SCAMP1: variants seen among roughly 807,000 people sequenced by gnomAD.
SCAMP1 encodes secretory carrier membrane protein 1.
In SCAMP1, 15 loss-of-function variants were observed where a neutral mutation model predicts 41.8. That is an observed-to-expected ratio of 0.36 (90% CI 0.24 to 0.55). The LOEUF (loss-of-function observed/expected upper bound fraction) is 0.55. SCAMP1 is among the 20% of genes least tolerant of loss of function. The probability of loss-of-function intolerance (pLI) is 0.86; values close to 1 mark genes in which losing one functional copy is unlikely to be tolerated. For missense variants in SCAMP1, 341 were observed against 412.6 expected, an observed-to-expected ratio of 0.83 and a Z score of 1.50; for synonymous variants, 135 against 136.8, an observed-to-expected ratio of 0.99 and a Z score of 0.09.
At chr5:78,360,879 G>T (rs1334804466) in intron 1 of SCAMP1, 151 bp downstream of exon 1, 4 of 709,454 alleles carry the variant, frequency 5.6e-6, no homozygotes, top group South Asian at 5.1e-5. Flanking sequence ...TTGGGGTCGC[G>T]CCCCGGCCCC....
At chr5:78,407,126 G>A (rs182497581) in intron 2 of SCAMP1, among the ~76,000 whole-genome samples, 3 of 152,288 alleles carry the variant, frequency 2.0e-5, no homozygotes, top group Admixed American at 2.0e-4. Flanking sequence ...AAATGAAGAT[G>A]ATATACTATG....
At chr5:78,398,355 C>CTTTTTTTTTTTTTTTTT (rs1197381285) in intron 2 of SCAMP1, among the ~76,000 whole-genome samples, 1 of 57,484 alleles carries the variant, frequency 1.7e-5, no homozygotes, top group African/African-American at 7.5e-5. Context: ...GGGTTCACCT[C>CTTTTTTTTTTTTTTTTT]TTTTTTTTTT....
chr5:78,375,498 G>A (rs1751044572), intron 1 of SCAMP1, among the ~76,000 whole-genome samples: 1 of 152,128 alleles, frequency 6.6e-6, no homozygotes, highest in Non-Finnish European at 1.5e-5. Flanking sequence ...TAACCTAGAT[G>A]AATTTTCTTT....
chr5:78,412,066 TA>T (rs1378922144), intron 2 of SCAMP1, among the ~76,000 whole-genome samples: 1 of 152,130 alleles, frequency 6.6e-6, no homozygotes, highest in Non-Finnish European at 1.5e-5. Flanking sequence ...TCAGAGTTTT[TA>T]AAAATGCAGT....
At chr5:78,458,747 G>A (rs557210758) in intron 7 of SCAMP1, among the ~76,000 whole-genome samples, 2 of 152,268 alleles carry the variant, frequency 1.3e-5, no homozygotes, top group Non-Finnish European at 2.9e-5. Flanking sequence ...AGGCGTGGTG[G>A]CACGCACCTG....
intron 8 of SCAMP1, among the ~76,000 whole-genome samples, chr5:78,461,774 G>T (rs1433975508): frequency 6.6e-6 from 1 of 152,118 alleles, no homozygotes; most frequent in African/African-American, 2.4e-5. Flanking sequence ...ATGTTGGCCA[G>T]GTTGGTCTCT....
At chr5:78,423,110 G>T (rs1019858917) in intron 6 of SCAMP1, among the ~76,000 whole-genome samples, 1 of 152,020 alleles carries the variant, frequency 6.6e-6, no homozygotes, top group African/African-American at 2.4e-5. Flanking sequence ...AACAGGAGAT[G>T]GGAGAACATT....
intron 7 of SCAMP1, among the ~76,000 whole-genome samples, chr5:78,451,692 C>T (rs1196401817): frequency 6.6e-6 from 1 of 152,204 alleles, no homozygotes; most frequent in East Asian, 1.9e-4. Context: ...GAGTCTCGCC[C>T]TATCACCCAG....
intron 1 of SCAMP1, among the ~76,000 whole-genome samples, chr5:78,364,246 G>A (rs1485397643): frequency 6.6e-6 from 1 of 152,196 alleles, no homozygotes; most frequent in Non-Finnish European, 1.5e-5. Flanking sequence ...GTCAGCATAA[G>A]AGTGTATGGT....
At position 78,449,989 on chromosome 5, in the gene SCAMP1, C is replaced by T. The variant is rs754845409; in HGVS notation, c.689C>T (p.Ala230Val). 3 of 1,584,300 alleles carry T rather than the reference C, an allele frequency of 1.9e-6. No homozygotes were observed. The South Asian group carries it at 3.6e-5, about 19-fold the overall frequency. ...VFFFVYICQF[A>V]VHVLQAAGFH... ...TTCTTCGTCTATATTTGTCAGTTTG[C>T]TGTACATGTACTCCAAGCTGCAGGA... The change falls in exon 7 of 9, where the codon GCT becomes GTT. Residue 230 changes from alanine to valine, a missense_variant. By Grantham distance (64) the Ala-to-Val change is moderately conservative (BLOSUM62 0). Transcript: ENST00000621999.
chr5:78,472,791 T>C lies in SCAMP1; in HGVS notation c.853-2713T>C, dbSNP rs1289760066. Among the ~76,000 whole-genome samples, 4 of 152,268 alleles carry C rather than the reference T, an allele frequency of 2.6e-5. No homozygotes were observed. In the East Asian group the frequency reaches 7.7e-4, roughly 29 times the overall value. On this transcript the variant is annotated intron_variant, in intron 8 of 8. Transcript: ENST00000621999. ...GTAAACTGTGAAGCCCATGAACACA[T>C]AGTATCAGCTGCTCAATTTAGTGCA... is the stretch of plus-strand genomic sequence containing the variant.
At chr5:78,463,081 A>G (rs757586157) in intron 8 of SCAMP1, among the ~76,000 whole-genome samples, 6 of 152,202 alleles carry the variant, frequency 3.9e-5, no homozygotes, top group Non-Finnish European at 1.5e-5. Context: ...TCAAAACCCT[A>G]CGAAGGTTAG....
At position 78,449,395 on chromosome 5, in the gene SCAMP1, A is replaced by G. The variant is rs371447859; in HGVS notation, c.633-538A>G. Reference sequence around the variant, plus strand: ...TGAGTAAAATAAGCCAGACAAGGAAAAAAGACTACATAATATATGATCCCA... The same window carrying G: ...TGAGTAAAATAAGCCAGACAAGGAAGAAAGACTACATAATATATGATCCCA... On this transcript the variant is annotated intron_variant, in intron 6 of 8. Transcript: ENST00000621999. 2.6e-5 allele frequency among the ~76,000 whole-genome samples: 4 copies of G among 152,178 alleles called. No individual in the cohort carries two copies. In the East Asian group the frequency reaches 7.7e-4, roughly 29 times the overall value.
intron 8 of SCAMP1, among the ~76,000 whole-genome samples, chr5:78,464,550 TTAATATA>T (rs1753694830): frequency 6.6e-6 from 1 of 152,186 alleles, no homozygotes; most frequent in African/African-American, 2.4e-5. Context: ...CGCAGTCCAT[TTAATATA>T]TAATTCCTAT....
At chr5:78,451,821 A>G (rs1753240352) in intron 7 of SCAMP1, among the ~76,000 whole-genome samples, 1 of 151,980 alleles carries the variant, frequency 6.6e-6, no homozygotes, top group South Asian at 2.1e-4. Context: ...AGCCCAGCTA[A>G]TTTTTCTATT....
At chr5:78,423,616 C>A (rs1752394609) in intron 6 of SCAMP1, among the ~76,000 whole-genome samples, 1 of 151,428 alleles carries the variant, frequency 6.6e-6, no homozygotes, top group Admixed American at 6.6e-5. Context: ...CTTATGTAGC[C>A]AAAATAAATG....
chr5:78,389,486 C>A (rs1272771080), intron 2 of SCAMP1, among the ~76,000 whole-genome samples: 5 of 152,090 alleles, frequency 3.3e-5, no homozygotes, highest in Non-Finnish European at 5.9e-5. Flanking sequence ...CCAGGCTGGT[C>A]TTGAACTCCT....
Position 78,477,371 on chromosome 5 carries a change from C to T in SCAMP1, c.*1703C>T, listed in dbSNP as rs971949000. On this transcript the variant is annotated 3_prime_UTR_variant, in exon 9 of 9. Transcript: ENST00000621999. ...ATTTTTTGTAAATATTTCTAATCAGCGATAATTTCTACCTATGTTCTCAAC... is the reference window on the plus strand; with the variant it reads ...ATTTTTTGTAAATATTTCTAATCAGTGATAATTTCTACCTATGTTCTCAAC... The T allele has an allele frequency of 6.6e-6, 1 of 152,116 alleles. No homozygotes were observed. Among genetic ancestry groups the T allele is most frequent in the Admixed American group, 6.5e-5 (1 of 15,286 alleles). The allele number at this position is 152,116 out of a possible 1,614,324, so 9.4% of individuals were successfully genotyped here.
At chr5:78,389,022 G>T in intron 2 of SCAMP1, 108 bp downstream of exon 2, 1 of 555,078 alleles carries the variant, frequency 1.8e-6, no homozygotes, top group Non-Finnish European at 3.1e-6. Flanking sequence ...AAAACAAATT[G>T]TTAATGTTTT....
Sources: allele counts gnomAD v4.1 joint callset (sites outside exome capture counted in the v4.1 genomes callset), GRCh38; gene constraint gnomAD v4.1.1; transcripts MANE v1.5; gene names NCBI Gene and HGNC (gene_info 2026-07-23, HGNC 2026-07-21).